The following AGBL1 variants were observed in gnomAD, a reference collection of about 807,000 sequenced individuals.
The protein encoded by AGBL1 is cytosolic carboxypeptidase 4.
Under a neutral mutation model 118.9 loss-of-function variants are expected in AGBL1, and 130 were observed. That is an observed-to-expected ratio of 1.09 (90% CI 0.95 to 1.26). The LOEUF (loss-of-function observed/expected upper bound fraction) is 1.26. Ranked by LOEUF, AGBL1 falls within the 50% of genes most tolerant of loss-of-function variation. The probability of loss-of-function intolerance (pLI) is 0.00; values close to 1 mark genes in which losing one functional copy is unlikely to be tolerated. For missense variants in AGBL1, 1,584 were observed against 1,298.1 expected, an observed-to-expected ratio of 1.22 and a Z score of -3.38; for synonymous variants, 555 against 478.9, an observed-to-expected ratio of 1.16 and a Z score of -2.08.
intron 24 of AGBL1, among the ~76,000 whole-genome samples, chr15:86,992,318 G>T (rs2081342873): frequency 6.6e-6 from 1 of 151,950 alleles, no homozygotes; most frequent in Admixed American, 6.6e-5. Context: ...CCAACAATGG[G>T]GATTACATTT....
intron 17 of AGBL1, among the ~76,000 whole-genome samples, chr15:86,308,387 C>G (rs779748211): frequency 1.5e-4 from 23 of 152,164 alleles, no homozygotes; most frequent in Non-Finnish European, 2.6e-4. Context: ...CATGTGAGGA[C>G]ACTGAGAGAA....
chr15:86,888,989 G>A (rs1344433679), intron 22 of AGBL1, among the ~76,000 whole-genome samples: 4 of 152,118 alleles, frequency 2.6e-5, no homozygotes, highest in Admixed American at 2.6e-4. Flanking sequence ...AACAAGTAAA[G>A]ACTGGCACTA....
chr15:86,469,118 T>A (rs2082444436), intron 18 of AGBL1, among the ~76,000 whole-genome samples: 1 of 152,186 alleles, frequency 6.6e-6, no homozygotes, highest in Non-Finnish European at 1.5e-5. Flanking sequence ...ATAGCAATTT[T>A]CAAGTATAAA....
In AGBL1 at chr15:86,143,798, A is replaced by G. The variant is rs1298710947; in HGVS notation, c.215A>G (p.Asp72Gly). The G allele has an allele frequency of 6.2e-7, 1 of 1,613,742 alleles. No homozygotes were observed. The highest frequency in any genetic ancestry group is 2.2e-5 in the East Asian group (1 of 44,848). The change falls in exon 3 of 23, where the codon GAC (aspartate) becomes GGC (glycine). Residue 72 changes from aspartate to glycine, a missense_variant. Asp to Gly is a moderately conservative substitution (Grantham distance 94). Transcript: ENST00000614907. ...GCGAGGACAGCTCCTCCAGACTATGACATCCTCCTGCCTCTCTTCCGGCTG... is the reference window on the plus strand; with the variant it reads ...GCGAGGACAGCTCCTCCAGACTATGGCATCCTCCTGCCTCTCTTCCGGCTG... ...DTARTAPPDY[D>G]ILLPLFRLLA...
intron 21 of AGBL1, among the ~76,000 whole-genome samples, chr15:86,586,497 C>A (rs988063983): frequency 6.6e-6 from 1 of 152,026 alleles, no homozygotes; most frequent in Non-Finnish European, 1.5e-5. Flanking sequence ...TGTCCAAGGT[C>A]ACACAGAGCG....
intron 1 of AGBL1, among the ~76,000 whole-genome samples, chr15:86,094,085 G>C (rs1026198814): frequency 2.0e-5 from 3 of 152,080 alleles, no homozygotes; most frequent in Non-Finnish European, 4.4e-5. Flanking sequence ...GTGAACTACT[G>C]TCTGATGTGG....
At chr15:86,591,079 A>G (rs769183645) in intron 21 of AGBL1, among the ~76,000 whole-genome samples, 2 of 152,220 alleles carry the variant, frequency 1.3e-5, no homozygotes, top group Non-Finnish European at 2.9e-5. Context: ...TTAATCTAGA[A>G]TACTTACTCA....
intron 18 of AGBL1, among the ~76,000 whole-genome samples, chr15:86,419,763 T>C (rs902553804): frequency 5.3e-5 from 8 of 152,140 alleles, no homozygotes; most frequent in Non-Finnish European, 1.0e-4. Flanking sequence ...CCTGGGATGC[T>C]CTAGCTTTGT....
At chr15:86,808,320 C>A (rs975058043) in intron 22 of AGBL1, among the ~76,000 whole-genome samples, 2 of 152,136 alleles carry the variant, frequency 1.3e-5, no homozygotes, top group African/African-American at 4.8e-5. Flanking sequence ...TTTGCACAAA[C>A]TTCAGAAAAC....
At chr15:86,667,153 T>G (rs1379373979) in intron 21 of AGBL1, among the ~76,000 whole-genome samples, 2 of 152,072 alleles carry the variant, frequency 1.3e-5, no homozygotes, top group African/African-American at 4.8e-5. Flanking sequence ...TCATTTATAT[T>G]TTTATATATT....
chr15:86,197,870 T>C (rs1257089419), intron 5 of AGBL1, among the ~76,000 whole-genome samples: 1 of 151,758 alleles, frequency 6.6e-6, no homozygotes, highest in African/African-American at 2.4e-5. Flanking sequence ...AACAGAGCTA[T>C]TTCACTGAAA....
At chr15:87,001,812 C>G (rs568933007) in intron 24 of AGBL1, among the ~76,000 whole-genome samples, 1 of 152,024 alleles carries the variant, frequency 6.6e-6, no homozygotes, top group Non-Finnish European at 1.5e-5. Context: ...CCTTGGCCCA[C>G]TTTTTGATGG....
chr15:86,216,032 A>G (rs1004083003), intron 5 of AGBL1, among the ~76,000 whole-genome samples: 1 of 152,220 alleles, frequency 6.6e-6, no homozygotes, highest in Non-Finnish European at 1.5e-5. Context: ...TGGGATTTAA[A>G]CAAAATCATT....
chr15:86,740,959 A>G (rs897472574), intron 22 of AGBL1, among the ~76,000 whole-genome samples: 1 of 152,092 alleles, frequency 6.6e-6, no homozygotes, highest in Non-Finnish European at 1.5e-5. Context: ...ATCCTCAAGT[A>G]TACCTGCTCA....
At chr15:86,200,550 A>ACCC (rs60352336) in intron 5 of AGBL1, among the ~76,000 whole-genome samples, 13 of 72,122 alleles carry the variant, frequency 1.8e-4, no homozygotes, top group Non-Finnish European at 2.1e-4. Flanking sequence ...ATAGACCCCT[A>ACCC]CCCCCCCCCC....
At position 86,415,198 on chromosome 15, in the gene AGBL1, C is replaced by T. The variant is rs143763257; in HGVS notation, c.2555+17652C>T. 1.7e-3 allele frequency among the ~76,000 whole-genome samples: 266 copies of T among 152,212 alleles called. 1 individual carries two copies. The highest frequency in any genetic ancestry group is 6.1e-3 in the African/African-American group (253 of 41,544). Reference sequence around the variant, plus strand: ...TCCTTTGTACTCCCCACCAATGATCCGTTCTTGAATATGAGCTTCCTGTAG... The same window carrying T: ...TCCTTTGTACTCCCCACCAATGATCTGTTCTTGAATATGAGCTTCCTGTAG... On this transcript the variant is annotated intron_variant, in intron 18 of 22. Transcript: ENST00000614907.
At chr15:86,669,108 A>T (rs2085696625) in intron 21 of AGBL1, among the ~76,000 whole-genome samples, 1 of 152,224 alleles carries the variant, frequency 6.6e-6, no homozygotes, top group African/African-American at 2.4e-5. Context: ...TGTTAAAAAA[A>T]AAAGTTTAGC....
intron 19 of AGBL1, among the ~76,000 whole-genome samples, chr15:86,525,165 A>T (rs2083246588): frequency 6.6e-6 from 1 of 152,066 alleles, no homozygotes; most frequent in Non-Finnish European, 1.5e-5. Flanking sequence ...TACAAAAAAA[A>T]AATACCCAGG....
At chr15:86,271,851 G>A (rs948065127) in intron 15 of AGBL1, 145 bp downstream of exon 15, 9 of 734,552 alleles carry the variant, frequency 1.2e-5, no homozygotes, top group East Asian at 5.3e-5. Flanking sequence ...GCCAGTGTCC[G>A]GCCCTTCAGA....
Sources: gnomAD v4.1 joint callset for allele counts (sites outside exome capture counted in the v4.1 genomes callset) on GRCh38, gnomAD v4.1.1 for gene constraint, MANE v1.5 for transcripts, NCBI Gene and HGNC (gene_info 2026-07-23, HGNC 2026-07-21) for gene names.